PLAU: variants seen among roughly 807,000 people sequenced by gnomAD.
The protein encoded by PLAU is urokinase-type plasminogen activator.
PLAU carries 32 observed loss-of-function variants against 48.9 expected under a neutral mutation model. That is an observed-to-expected ratio of 0.65 (90% CI 0.49 to 0.88). The LOEUF is 0.88. Among genes scored for constraint, PLAU ranks in the 40% least tolerant of loss-of-function variants. The probability of loss-of-function intolerance (pLI) is 0.00; values close to 1 mark genes in which losing one functional copy is unlikely to be tolerated. For synonymous variants in PLAU, 199 were observed against 205.7 expected, an observed-to-expected ratio of 0.97 and a Z score of 0.28; for missense variants, 455 against 545.2, an observed-to-expected ratio of 0.83 and a Z score of 1.65.
In PLAU at chr10:73,916,518, C is replaced by T; in HGVS notation, c.1249C>T (p.Pro417Ser). ...CTACACGAGAGTCTCACACTTCTTACCCTGGATCCGCAGTCACACCAAGGA... is the reference window on the plus strand; with the variant it reads ...CTACACGAGAGTCTCACACTTCTTATCCTGGATCCGCAGTCACACCAAGGA... The part of the protein sequence containing the change: ...GVYTRVSHFL[P>S]WIRSHTKEEN... The change falls in exon 11 of 11, where the codon CCC becomes TCC. Residue 417 changes from proline to serine, a missense_variant. Coordinates refer to ENST00000372764, the MANE Select transcript of PLAU (RefSeq NM_002658.6). The T allele has an allele frequency of 6.2e-7, 1 of 1,613,944 alleles. No individual in the cohort carries two copies. Among genetic ancestry groups the T allele is most frequent in the African/African-American group, 1.3e-5 (1 of 75,082 alleles).
rs1386579094 is a variant in PLAU at position 73,916,539 on chromosome 10, A to G, written c.1270A>G (p.Lys424Glu). 2 of 1,613,156 alleles carry G rather than the reference A, an allele frequency of 1.2e-6. No homozygotes were observed. Among genetic ancestry groups the G allele is most frequent in the African/African-American group, 2.7e-5 (2 of 74,932 alleles). Reference sequence around the variant, plus strand: ...CTTACCCTGGATCCGCAGTCACACCAAGGAAGAGAATGGCCTGGCCCTCTG... The same window carrying G: ...CTTACCCTGGATCCGCAGTCACACCGAGGAAGAGAATGGCCTGGCCCTCTG... Reference protein sequence around the residue: ...HFLPWIRSHTKEENGLAL With the variant: ...HFLPWIRSHTEEENGLAL The change falls in exon 11 of 11, where the codon AAG (lysine) becomes GAG (glutamate). Residue 424 changes from lysine (K) to glutamate (E), a missense_variant. By Grantham distance (56) the Lys-to-Glu change is moderately conservative. Coordinates refer to ENST00000372764, the MANE Select transcript of PLAU (RefSeq NM_002658.6).
intron 5 of PLAU, 60 bp downstream of exon 5, chr10:73,913,158 C>A: frequency 6.3e-7 from 1 of 1,584,850 alleles, no homozygotes; most frequent in Non-Finnish European, 8.6e-7. Flanking sequence ...AACCTTGTTA[C>A]CATCCCCTTC....
upstream of PLAU, chr10:73,909,295 G>T (rs1365848735): frequency 2.0e-5 from 3 of 152,290 alleles, no homozygotes; most frequent in Non-Finnish European, 4.4e-5. Flanking sequence ...GAGTTTCGGG[G>T]TAAGTCCTCA....
chr10:73,913,102 A>G lies in PLAU; in HGVS notation c.368+4A>G. On this transcript the variant is annotated splice_donor_region_variant and intron_variant, in intron 5 of 10. Coordinates refer to ENST00000372764, the MANE Select transcript of PLAU (RefSeq NM_002658.6). ...TGGGGAAACATAATTACTGCAGGTG[A>G]GGTGGGGGCAACAAGGACCAAAAGC... 6.2e-7 allele frequency: 1 copy of G among 1,612,360 alleles called. No homozygotes were observed. The highest frequency in any genetic ancestry group is 8.5e-7 in the Non-Finnish European group (1 of 1,179,086).
upstream of PLAU, among the ~76,000 whole-genome samples, chr10:73,909,011 A>G (rs2096119818): frequency 6.6e-6 from 1 of 150,996 alleles, no homozygotes. Context: ...AAGATTTCAG[A>G]GAGTGCTAAA....
rs1327703641 is a variant in PLAU, at chr10:73,913,109, G to A, written c.368+11G>A. On this transcript the variant is annotated intron_variant, in intron 5 of 10. Transcript: ENST00000372764. ...ACATAATTACTGCAGGTGAGGTGGG[G>A]GCAACAAGGACCAAAAGCCCTCCCT... 10 of 1,611,578 alleles carry A rather than the reference G, an allele frequency of 6.2e-6. No homozygotes were observed. In the Admixed American group the frequency reaches 1.0e-4, roughly 16 times the overall value.
intron 7 of PLAU, 86 bp downstream of exon 7, chr10:73,913,844 A>T: frequency 7.2e-7 from 1 of 1,398,014 alleles, no homozygotes; most frequent in Non-Finnish European, 9.9e-7. Context: ...GTTCCGCCTC[A>T]TTTCTCCCTC....
chr10:73,912,086 C>T lies in PLAU; in HGVS notation c.85+18C>T, dbSNP rs562937160. 6.2e-7 allele frequency: 1 copy of T among 1,604,306 alleles called. No homozygotes were observed. Among genetic ancestry groups the T allele is most frequent in the South Asian group, 1.1e-5 (1 of 89,750 alleles). On this transcript the variant is annotated intron_variant, in intron 3 of 10. Transcript: ENST00000372764. ...AGTTCCATGTGAGTATCCACCCCTACAACAGTTGGCTGCACAGACAAGTTG... is the reference window on the plus strand; with the variant it reads ...AGTTCCATGTGAGTATCCACCCCTATAACAGTTGGCTGCACAGACAAGTTG...
intron 8 of PLAU, 146 bp from the exon 9 acceptor site, chr10:73,914,630 G>A: frequency 1.4e-6 from 1 of 725,520 alleles, no homozygotes; most frequent in Non-Finnish European, 2.2e-6. Context: ...GGCAGGGGAG[G>A]TTTCCAGGTG....
chr10:73,915,241 C>T lies in PLAU; in HGVS notation c.971-10C>T. 1 of 1,606,116 alleles carries T rather than the reference C, an allele frequency of 6.2e-7. No homozygotes were observed. Among genetic ancestry groups the T allele is most frequent in the Non-Finnish European group, 8.5e-7 (1 of 1,176,870 alleles). On this transcript the variant is annotated splice_polypyrimidine_tract_variant and intron_variant, in intron 9 of 10. Transcript: ENST00000372764. ...CTTGATGCAAACGCCTCCCTGTTTT[C>T]TCCACCTAGCCGACTATCTCTATCC...
At chr10:73,913,465 G>A (rs950795983) in intron 6 of PLAU, 74 bp from the exon 7 acceptor site, 15 of 1,543,354 alleles carry the variant, frequency 9.7e-6, no homozygotes, top group Middle Eastern at 1.7e-4. Context: ...GGAGGACTGA[G>A]GAGGTGGGGG....
chr10:73,913,926 A>G (rs2096130487), intron 7 of PLAU, 54 bp from the exon 8 acceptor site: 2 of 1,563,842 alleles, frequency 1.3e-6, no homozygotes, highest in Non-Finnish European at 1.8e-6. Context: ...GAGGGAAGGA[A>G]GAAGTGGCAG....
chr10:73,917,239 T>A lies in PLAU; in HGVS notation c.*674T>A, dbSNP rs147752136. On this transcript the variant is annotated 3_prime_UTR_variant, in exon 11 of 11. Coordinates refer to ENST00000372764, the MANE Select transcript of PLAU (RefSeq NM_002658.6). The stretch of plus-strand genomic sequence containing the variant: ...GAGGTTATAGGTCACTCCTGGGGCC[T>A]CTTGGGTCCCCCACGTGACAGTGCC... 1 of 152,750 alleles carries A rather than the reference T, an allele frequency of 6.5e-6. No individual in the cohort carries two copies. The highest frequency in any genetic ancestry group is 2.4e-5 in the African/African-American group (1 of 41,566). The allele number at this position is 152,750 out of a possible 1,614,324, so 9.5% of individuals were successfully genotyped here.
intron 10 of PLAU, among the ~76,000 whole-genome samples, chr10:73,915,847 G>A (rs1194848140): frequency 6.6e-6 from 1 of 152,172 alleles, no homozygotes; most frequent in East Asian, 1.9e-4. Flanking sequence ...GGCATATTCC[G>A]GGTGGGGAGG....
chr10:73,911,346 C>T, intron 1 of PLAU, 128 bp downstream of exon 1: 2 of 695,182 alleles, frequency 2.9e-6, no homozygotes, highest in Non-Finnish European at 4.9e-6. Flanking sequence ...AGTCAAGGCG[C>T]CCCGTCCCGG....
intron 4 of PLAU, 76 bp from the exon 5 acceptor site, chr10:73,912,848 T>G: frequency 1.1e-6 from 1 of 918,566 alleles, no homozygotes; most frequent in Non-Finnish European, 1.6e-6. Flanking sequence ...AGACTCCATC[T>G]CAAAAAAAAA....
intron 2 of PLAU, chr10:73,911,827 C>CTT: frequency 1.3e-6 from 2 of 1,551,978 alleles, no homozygotes; most frequent in Non-Finnish European, 8.7e-7. Flanking sequence ...GGGACTGCCC[C>CTT]AGCCTGCGGG....
At chr10:73,913,138 G>A in intron 5 of PLAU, 40 bp downstream of exon 5, 1 of 1,601,058 alleles carries the variant, frequency 6.2e-7, no homozygotes, top group Non-Finnish European at 8.5e-7. Flanking sequence ...CCTCCCTACA[G>A]CTTCCCAGAA....
chr10:73,912,357 T>C, intron 4 of PLAU, 35 bp downstream of exon 4: 2 of 1,442,788 alleles, frequency 1.4e-6, no homozygotes, highest in Non-Finnish European at 1.9e-6. Context: ...GGAGAGAAAT[T>C]TGGGGACAGG....
Sources: gnomAD v4.1 joint callset for allele counts (sites outside exome capture counted in the v4.1 genomes callset) on GRCh38, gnomAD v4.1.1 for gene constraint, MANE v1.5 for transcripts, NCBI Gene and HGNC (gene_info 2026-07-23, HGNC 2026-07-21) for gene names.